The following WASHC5 variants were observed in gnomAD, a reference collection of about 807,000 sequenced individuals.
WASHC5 encodes WASH complex subunit 5, also known as WASH complex subunit strumpellin.
A neutral mutation model predicts 150.4 loss-of-function variants in WASHC5; 101 were observed. The observed-to-expected ratio is 0.67, with a 90% confidence interval of 0.57 to 0.79. The LOEUF (loss-of-function observed/expected upper bound fraction) is 0.79. WASHC5 is among the 30% of genes least tolerant of loss of function. WASHC5 has a pLI of 0.00. For missense variants in WASHC5, 1,195 were observed against 1,396.3 expected, an observed-to-expected ratio of 0.86 and a Z score of 2.30; for synonymous variants, 467 against 491.2, an observed-to-expected ratio of 0.95 and a Z score of 0.65.
intron 20 of WASHC5, 91 bp downstream of exon 20, chr8:125,047,116 G>C: frequency 6.7e-7 from 1 of 1,503,514 alleles, no homozygotes; most frequent in South Asian, 1.1e-5. Flanking sequence ...CAGGACCCCC[G>C]TGACTGGAAT....
chr8:125,059,135 TA>T, intron 14 of WASHC5, 86 bp downstream of exon 14: 1 of 984,656 alleles, frequency 1.0e-6, no homozygotes, highest in Non-Finnish European at 1.6e-6. Flanking sequence ...CCTAAAAGGA[TA>T]AAATCCTGGG....
intron 25 of WASHC5, among the ~76,000 whole-genome samples, chr8:125,038,267 T>C (rs1379193101): frequency 6.6e-6 from 1 of 152,204 alleles, no homozygotes. Flanking sequence ...AAAGTTACTA[T>C]AATCAAAGTC....
rs1415823466 is a variant in WASHC5 at position 125,076,404 on chromosome 8, G to A, written c.808C>T (p.His270Tyr). 6 of 1,613,962 alleles carry A rather than the reference G, an allele frequency of 3.7e-6. No individual in the cohort carries two copies. The highest frequency in any genetic ancestry group is 5.1e-6 in the Non-Finnish European group (6 of 1,179,948). Residue 270 changes from histidine to tyrosine, a missense_variant, in exon 7 of 29, where the codon CAC (histidine) becomes TAC (tyrosine). By Grantham distance (83) the His-to-Tyr change is moderately conservative (BLOSUM62 2). Transcript: ENST00000318410. ...TCTCTCATTTTTGCTTGATGGGTGT[G>A]AAGGATGGAAGGCTCAAAGTAGAGA... is the stretch of plus-strand genomic sequence containing the variant. ...VILYFEPSIL[H>Y]THQAKMREIV...
chr8:125,090,869 T>C (rs1198095918), intron 1 of WASHC5, among the ~76,000 whole-genome samples: 1 of 152,180 alleles, frequency 6.6e-6, no homozygotes, highest in African/African-American at 2.4e-5. Context: ...AAATGCAAGC[T>C]GCATATATTT....
In WASHC5 at chr8:125,049,034, TG is replaced by T; in HGVS notation, c.2350del (p.Gln784LysfsTer7). 1 of 1,613,572 alleles carries T rather than the reference TG, an allele frequency of 6.2e-7. No homozygotes were observed. The highest frequency in any genetic ancestry group is 1.1e-5 in the South Asian group (1 of 91,042). On this transcript the variant is annotated frameshift_variant, in exon 19 of 29. Coordinates refer to ENST00000318410, the MANE Select transcript of WASHC5 (RefSeq NM_014846.4). LOFTEE classifies it high-confidence loss of function. ...VSRIINYNVEQECNNFLRTKI... is the reference protein window; with the variant it reads ...VSRIINYNVEXECNNFLRTKI... ...CGTTCTTAGAAAGTTATTACACTCT[TG>T]CTCCACGTTGTAATTTATGATACGA...
intron 7 of WASHC5, 137 bp from the exon 8 acceptor site, chr8:125,075,248 T>TATAGG (rs1400922020): frequency 1.5e-6 from 1 of 685,766 alleles, no homozygotes; most frequent in Non-Finnish European, 2.7e-6. Flanking sequence ...TTTCCAAATA[T>TATAGG]ATAGGTAAGT....
intron 9 of WASHC5, among the ~76,000 whole-genome samples, chr8:125,068,532 C>A (rs1351457304): frequency 1.3e-5 from 2 of 152,208 alleles, no homozygotes; most frequent in Non-Finnish European, 2.9e-5. Flanking sequence ...ATTTTGCTTT[C>A]TATCCTTCCG....
intron 26 of WASHC5, among the ~76,000 whole-genome samples, chr8:125,035,673 TGAG>T (rs1424744716): frequency 6.6e-6 from 1 of 152,242 alleles, no homozygotes; most frequent in Non-Finnish European, 1.5e-5. Flanking sequence ...AAGTATTGTT[TGAG>T]GAGATCATGC....
At chr8:125,064,179 C>T (rs576824608) in intron 10 of WASHC5, among the ~76,000 whole-genome samples, 329 of 151,804 alleles carry the variant, frequency 2.2e-3, no homozygotes, top group Non-Finnish European at 3.3e-3. Context: ...TATTATTATA[C>T]AAGTAATTGT....
At chr8:125,082,936 T>A (rs1220568278) in intron 3 of WASHC5, 177 bp downstream of exon 3, 1 of 541,478 alleles carries the variant, frequency 1.8e-6, no homozygotes, top group African/African-American at 1.9e-5. Context: ...GACATTATAG[T>A]AAAACTTCAA....
At chr8:125,076,823 C>G (rs1376813356) in intron 6 of WASHC5, among the ~76,000 whole-genome samples, 3 of 150,238 alleles carry the variant, frequency 2.0e-5, no homozygotes, top group Non-Finnish European at 2.9e-5. Flanking sequence ...GGAGACAACC[C>G]TTAGAACTGA....
intron 12 of WASHC5, among the ~76,000 whole-genome samples, chr8:125,060,768 A>G (rs1174735480): frequency 1.3e-5 from 2 of 152,086 alleles, no homozygotes; most frequent in East Asian, 1.9e-4. Flanking sequence ...TGGTATACAC[A>G]TGCAATTTTG....
intron 1 of WASHC5, among the ~76,000 whole-genome samples, chr8:125,088,305 A>G (rs1354642474): frequency 6.6e-6 from 1 of 151,840 alleles, no homozygotes; most frequent in African/African-American, 2.4e-5. Context: ...AAAACCTGTA[A>G]TCCCAGCTAC....
chr8:125,055,800 G>C, intron 16 of WASHC5, 129 bp from the exon 17 acceptor site: 1 of 720,180 alleles, frequency 1.4e-6, no homozygotes, highest in Non-Finnish European at 2.5e-6. Flanking sequence ...ATGAGGCTCT[G>C]TGGTACAACT....
intron 23 of WASHC5, among the ~76,000 whole-genome samples, chr8:125,041,377 C>G (rs1442627397): frequency 6.6e-6 from 1 of 152,148 alleles, no homozygotes; most frequent in Non-Finnish European, 1.5e-5. Flanking sequence ...CAGGGGCTCA[C>G]GCCTGCAATC....
chr8:125,062,102 GACAA>G (rs972810590), intron 11 of WASHC5, among the ~76,000 whole-genome samples: 14 of 152,130 alleles, frequency 9.2e-5, no homozygotes, highest in Admixed American at 8.5e-4. Flanking sequence ...GAATTGGCAT[GACAA>G]ACACTCATTT....
At chr8:125,078,047 C>T (rs1375739027) in intron 6 of WASHC5, among the ~76,000 whole-genome samples, 1 of 152,180 alleles carries the variant, frequency 6.6e-6, no homozygotes, top group African/African-American at 2.4e-5. Context: ...GGCCTCTTTA[C>T]TCCCTAATTA....
Position 125,049,052 on chromosome 8 carries a change from A to T in WASHC5, c.2333T>A (p.Ile778Lys). 1 of 1,613,868 alleles carries T rather than the reference A, an allele frequency of 6.2e-7. No homozygotes were observed. Among genetic ancestry groups the T allele is most frequent in the Non-Finnish European group, 8.5e-7 (1 of 1,179,796 alleles). ...KIWQEEVSRIINYNVEQECNN... is the reference protein window; with the variant it reads ...KIWQEEVSRIKNYNVEQECNN... ...ACACTCTTGCTCCACGTTGTAATTT[A>T]TGATACGAGATACTTCTTCCTGCCA... The change falls in exon 19 of 29, where the codon ATA becomes AAA. Residue 778 changes from isoleucine (I) to lysine (K), a missense_variant. Coordinates refer to ENST00000318410, the MANE Select transcript of WASHC5 (RefSeq NM_014846.4).
At chr8:125,065,363 C>T (rs1236158829) in intron 10 of WASHC5, among the ~76,000 whole-genome samples, 1 of 151,970 alleles carries the variant, frequency 6.6e-6, no homozygotes, top group Non-Finnish European at 1.5e-5. Flanking sequence ...TCCTGAAGAC[C>T]TCTAATGAGG....
Sources: gnomAD v4.1 joint callset for allele counts (sites outside exome capture counted in the v4.1 genomes callset) on GRCh38, gnomAD v4.1.1 for gene constraint, MANE v1.5 for transcripts, NCBI Gene and HGNC (gene_info 2026-07-23, HGNC 2026-07-21) for gene names.